EXOC6B: variants seen among roughly 807,000 people sequenced by gnomAD.
EXOC6B encodes the protein exocyst complex component 6B, also known as SEC15 homolog B.
Under a neutral mutation model 113.5 loss-of-function variants are expected in EXOC6B, and 54 were observed. The observed-to-expected ratio is 0.48, with a 90% CI of 0.38 to 0.60. The LOEUF is 0.60. Among genes scored for constraint, EXOC6B ranks in the 20% least tolerant of loss-of-function variants. The probability of loss-of-function intolerance (pLI) is 0.00; values close to 1 mark genes in which losing one functional copy is unlikely to be tolerated. For synonymous variants in EXOC6B, 357 were observed against 339.0 expected (o/e 1.05, Z -0.58); for missense variants, 797 against 977.5 (o/e 0.82, Z 2.46).
intron 20 of EXOC6B, among the ~76,000 whole-genome samples, chr2:72,262,003 G>A (rs1305262681): frequency 6.6e-6 from 1 of 152,154 alleles, no homozygotes; most frequent in Non-Finnish European, 1.5e-5. Context: ...ACACAGGCAG[G>A]TAGTGGCAGA....
At chr2:72,456,495 T>C (rs886572341) in intron 18 of EXOC6B, among the ~76,000 whole-genome samples, 3 of 152,152 alleles carry the variant, frequency 2.0e-5, no homozygotes, top group African/African-American at 7.2e-5. Context: ...GGACAAGGTC[T>C]TTATCCACAG....
chr2:72,680,482 G>GT (rs1676620724), intron 6 of EXOC6B, among the ~76,000 whole-genome samples: 1 of 152,200 alleles, frequency 6.6e-6, no homozygotes, highest in African/African-American at 2.4e-5. Flanking sequence ...GCTCACGCCT[G>GT]TAATCCCAGC....
At chr2:72,764,465 A>G (rs1682945266) in intron 1 of EXOC6B, among the ~76,000 whole-genome samples, 1 of 138,470 alleles carries the variant, frequency 7.2e-6, no homozygotes, top group Non-Finnish European at 1.5e-5. Context: ...CTGACCTCCC[A>G]GGCTCAAGCA....
chr2:72,266,390 C>A (rs1240344951), intron 20 of EXOC6B, among the ~76,000 whole-genome samples: 1 of 149,316 alleles, frequency 6.7e-6, no homozygotes, highest in African/African-American at 2.5e-5. Flanking sequence ...GGTTTTAGGT[C>A]TAACGTTTAA....
intron 18 of EXOC6B, among the ~76,000 whole-genome samples, chr2:72,455,382 C>T (rs1262159703): frequency 5.3e-5 from 8 of 152,080 alleles, no homozygotes; most frequent in Non-Finnish European, 1.0e-4. Context: ...CCACCCGTTC[C>T]GGGAATTGTT....
intron 11 of EXOC6B, among the ~76,000 whole-genome samples, chr2:72,511,239 G>C (rs1413848188): frequency 6.6e-6 from 1 of 151,982 alleles, no homozygotes; most frequent in African/African-American, 2.4e-5. Context: ...CAATCTCCTA[G>C]AACTTGCTGC....
intron 5 of EXOC6B, among the ~76,000 whole-genome samples, chr2:72,721,390 G>GAAAAAAAAAAAAAAAA (rs1679996399): frequency 1.9e-5 from 1 of 52,034 alleles, no homozygotes; most frequent in Non-Finnish European, 3.6e-5. Context: ...AAAAAAAAAT[G>GAAAAAAAAAAAAAAAA]AACAAAGAAA....
At chr2:72,726,834 G>T (rs565842766) in intron 5 of EXOC6B, among the ~76,000 whole-genome samples, 1 of 152,230 alleles carries the variant, frequency 6.6e-6, no homozygotes, top group African/African-American at 2.4e-5. Flanking sequence ...CTTCATATTT[G>T]CAGGTTCCAG....
intron 8 of EXOC6B, among the ~76,000 whole-genome samples, chr2:72,549,337 T>A (rs1703084564): frequency 6.6e-6 from 1 of 152,140 alleles, no homozygotes; most frequent in Admixed American, 6.5e-5. Context: ...CTTAAGATAA[T>A]GGTAGGGAGA....
At chr2:72,325,845 G>A (rs1446302599) in intron 20 of EXOC6B, among the ~76,000 whole-genome samples, 1 of 151,968 alleles carries the variant, frequency 6.6e-6, no homozygotes, top group Admixed American at 6.6e-5. Flanking sequence ...TGCCCTAGAA[G>A]GAAGTGTTTT....
intron 20 of EXOC6B, among the ~76,000 whole-genome samples, chr2:72,246,355 T>C (rs544602500): frequency 6.6e-6 from 1 of 152,310 alleles, no homozygotes; most frequent in African/African-American, 2.4e-5. Flanking sequence ...CCTGTTTTAT[T>C]CCCTAGAATG....
intron 8 of EXOC6B, among the ~76,000 whole-genome samples, chr2:72,549,057 TAAATG>T: frequency 6.6e-6 from 1 of 151,898 alleles, no homozygotes; most frequent in South Asian, 2.1e-4. Flanking sequence ...ACTAGTAAGA[TAAATG>T]AGAATAGTAA....
chr2:72,753,548 C>T (rs180771194), intron 1 of EXOC6B, among the ~76,000 whole-genome samples: 16 of 152,182 alleles, frequency 1.1e-4, no homozygotes, highest in Admixed American at 2.6e-4. Context: ...CCCTTATATT[C>T]GTAACAATCC....
intron 20 of EXOC6B, among the ~76,000 whole-genome samples, chr2:72,237,632 C>G (rs921372405): frequency 1.3e-5 from 2 of 152,170 alleles, no homozygotes; most frequent in Non-Finnish European, 2.9e-5. Flanking sequence ...TATCCTTACC[C>G]TCACCCCCTG....
At chr2:72,422,903 T>C (rs1558652919) in intron 18 of EXOC6B, among the ~76,000 whole-genome samples, 3 of 151,952 alleles carry the variant, frequency 2.0e-5, no homozygotes, top group Non-Finnish European at 4.4e-5. Context: ...AACAGGCCAC[T>C]GGGCTCTACC....
intron 11 of EXOC6B, among the ~76,000 whole-genome samples, chr2:72,512,201 A>T (rs994208196): frequency 4.6e-5 from 7 of 152,014 alleles, no homozygotes; most frequent in African/African-American, 1.7e-4. Flanking sequence ...TTCTTGTTAC[A>T]TGTTTATTGG....
chr2:72,491,728 T>G (rs926880829), intron 16 of EXOC6B, among the ~76,000 whole-genome samples: 6 of 152,162 alleles, frequency 3.9e-5, no homozygotes, highest in Non-Finnish European at 5.9e-5. Context: ...CCTCTTTTTA[T>G]GAGATTCCAT....
chr2:72,481,927 A>G (rs959933708), intron 16 of EXOC6B, among the ~76,000 whole-genome samples: 3 of 152,156 alleles, frequency 2.0e-5, no homozygotes, highest in Non-Finnish European at 2.9e-5. Flanking sequence ...TTCATGATTC[A>G]TTTTCCTACA....
At chr2:72,504,433 C>A (rs1025623546) in intron 11 of EXOC6B, among the ~76,000 whole-genome samples, 2 of 152,132 alleles carry the variant, frequency 1.3e-5, no homozygotes, top group African/African-American at 4.8e-5. Flanking sequence ...TCGCTTCTTT[C>A]ATTTAACATT....
Sources: allele counts gnomAD v4.1 joint callset (sites outside exome capture counted in the v4.1 genomes callset), GRCh38; gene constraint gnomAD v4.1.1; transcripts MANE v1.5; gene names NCBI Gene and HGNC (gene_info 2026-07-23, HGNC 2026-07-21).